LRRC8D: variants seen among roughly 807,000 people sequenced by gnomAD.
The protein encoded by LRRC8D is volume-regulated anion channel subunit LRRC8D.
LRRC8D carries 20 observed loss-of-function variants against 55.8 expected under a neutral mutation model. The ratio of observed to expected loss-of-function variants is 0.36; its 90% confidence interval spans 0.25 to 0.52. The LOEUF (loss-of-function observed/expected upper bound fraction) is 0.52. Among genes scored for constraint, LRRC8D ranks in the 20% least tolerant of loss-of-function variants. LRRC8D has a pLI of 0.93. For missense variants in LRRC8D, 651 were observed against 1,030.8 expected (o/e 0.63, Z 5.05); for synonymous variants, 352 against 377.0 (o/e 0.93, Z 0.77).
intron 2 of LRRC8D, among the ~76,000 whole-genome samples, chr1:89,922,322 C>T (rs1663445066): frequency 6.6e-6 from 1 of 152,138 alleles, no homozygotes; most frequent in Non-Finnish European, 1.5e-5. Flanking sequence ...GCCTTGGCCT[C>T]CCAAAGTGCT....
chr1:89,910,691 G>A (rs1390317850), intron 2 of LRRC8D, among the ~76,000 whole-genome samples: 2 of 152,020 alleles, frequency 1.3e-5, no homozygotes, highest in African/African-American at 2.4e-5. Flanking sequence ...GATCTCGGTC[G>A]AATTACTCAA....
intron 2 of LRRC8D, among the ~76,000 whole-genome samples, chr1:89,844,530 A>G (rs1661224361): frequency 6.6e-6 from 1 of 152,236 alleles, no homozygotes; most frequent in African/African-American, 2.4e-5. Flanking sequence ...AGGTACTTTA[A>G]CATATGAGCC....
intron 2 of LRRC8D, among the ~76,000 whole-genome samples, chr1:89,860,498 G>T (rs1163722973): frequency 6.6e-6 from 1 of 151,706 alleles, no homozygotes; most frequent in African/African-American, 2.4e-5. Flanking sequence ...AGTGGCTCAC[G>T]CCTGTAATCC....
chr1:89,886,831 A>G (rs899831459), intron 2 of LRRC8D, among the ~76,000 whole-genome samples: 1 of 152,154 alleles, frequency 6.6e-6, no homozygotes, highest in Non-Finnish European at 1.5e-5. Context: ...CTGATTTTTT[A>G]TTCTTTTACT....
chr1:89,899,398 G>T (rs1662792884), intron 2 of LRRC8D, among the ~76,000 whole-genome samples: 1 of 152,218 alleles, frequency 6.6e-6, no homozygotes, highest in African/African-American at 2.4e-5. Context: ...TTGCTGCTGT[G>T]CCATGTCTGG....
chr1:89,851,598 C>A (rs1330874013), intron 2 of LRRC8D, among the ~76,000 whole-genome samples: 1 of 151,996 alleles, frequency 6.6e-6, no homozygotes, highest in Non-Finnish European at 1.5e-5. Context: ...CAGCCTCTGC[C>A]TCCTGGGTTC....
intron 2 of LRRC8D, 80 bp from the exon 3 acceptor site, chr1:89,932,987 G>C (rs1663749110): frequency 7.9e-7 from 1 of 1,258,534 alleles, no homozygotes; most frequent in South Asian, 1.5e-5. Context: ...ACTTTAGTTA[G>C]GAGCAGGCAT....
At chr1:89,876,810 A>G (rs1436301561) in intron 2 of LRRC8D, among the ~76,000 whole-genome samples, 1 of 152,224 alleles carries the variant, frequency 6.6e-6, no homozygotes, top group African/African-American at 2.4e-5. Context: ...AAAGCCTAAA[A>G]TATTTAGCAT....
chr1:89,828,825 C>T (rs1397524546), intron 1 of LRRC8D, among the ~76,000 whole-genome samples: 1 of 152,074 alleles, frequency 6.6e-6, no homozygotes, highest in East Asian at 1.9e-4. Flanking sequence ...GAAAGCTTCA[C>T]TTCCCCAACA....
intron 2 of LRRC8D, among the ~76,000 whole-genome samples, chr1:89,853,254 CATT>C (rs2100772281): frequency 6.6e-6 from 1 of 152,256 alleles, no homozygotes; most frequent in Admixed American, 6.5e-5. Context: ...CTGAAGGTGT[CATT>C]AGTAAGGATG....
At chr1:89,926,355 G>A (rs1663565276) in intron 2 of LRRC8D, among the ~76,000 whole-genome samples, 1 of 152,232 alleles carries the variant, frequency 6.6e-6, no homozygotes, top group African/African-American at 2.4e-5. Context: ...TTATCATCCT[G>A]CATTAGACTG....
intron 2 of LRRC8D, among the ~76,000 whole-genome samples, chr1:89,904,410 C>G (rs1662941725): frequency 6.6e-6 from 1 of 152,218 alleles, no homozygotes; most frequent in Non-Finnish European, 1.5e-5. Context: ...GGTTCCTGGG[C>G]TGTGCCTTTT....
chr1:89,873,701 G>C (rs149236535), intron 2 of LRRC8D, among the ~76,000 whole-genome samples: 1 of 152,160 alleles, frequency 6.6e-6, no homozygotes, highest in Non-Finnish European at 1.5e-5. Flanking sequence ...CATGTTTCTC[G>C]TAAACCTAAA....
intron 2 of LRRC8D, among the ~76,000 whole-genome samples, chr1:89,848,069 T>A (rs572879127): frequency 1.3e-5 from 2 of 152,330 alleles, no homozygotes; most frequent in South Asian, 4.1e-4. Flanking sequence ...GTGGAATTTT[T>A]CCTCTTTGTT....
intron 2 of LRRC8D, among the ~76,000 whole-genome samples, chr1:89,877,281 C>A (rs540382003): frequency 1.3e-5 from 2 of 151,684 alleles, no homozygotes; most frequent in South Asian, 4.2e-4. Context: ...TGTAGGGATC[C>A]AGTTCTGCCA....
chr1:89,857,251 C>T (rs770292313), intron 2 of LRRC8D, among the ~76,000 whole-genome samples: 2 of 151,720 alleles, frequency 1.3e-5, no homozygotes, highest in Non-Finnish European at 2.9e-5. Flanking sequence ...GGTGTGGTGG[C>T]GCATGCCTGT....
rs114964063 is a variant in LRRC8D at position 89,936,491 on chromosome 1, C to A, written c.*846C>A. ...AGTATCACCACCATTTGGAAGATAA[C>A]ACAGAATCACAAGTATCATTTAATT... On this transcript the variant is annotated 3_prime_UTR_variant, in exon 3 of 3. Transcript: ENST00000337338. The A allele has an allele frequency of 9.5e-3, 1,455 of 152,942 alleles. 6 individuals are homozygous for A. The highest frequency in any genetic ancestry group is 0.015 in the Non-Finnish European group (995 of 68,020). 9.5% of individuals were successfully genotyped at this position (152,942 alleles called of 1,614,324 possible). A position where few individuals can be genotyped will look rare whatever the true frequency, so the allele number is the denominator to read the frequency against.
intron 2 of LRRC8D, among the ~76,000 whole-genome samples, chr1:89,926,286 G>A (rs1260086327): frequency 2.6e-5 from 4 of 152,174 alleles, no homozygotes; most frequent in Non-Finnish European, 5.9e-5. Context: ...TAAAAGTAGT[G>A]GCAAAAACTG....
chr1:89,922,356 C>T lies in LRRC8D; in HGVS notation c.-2-10711C>T, dbSNP rs771087569. Among the ~76,000 whole-genome samples the T allele has an allele frequency of 3.3e-5, 5 of 152,110 alleles. No individual in the cohort carries two copies. In the East Asian group the frequency reaches 5.8e-4, roughly 18 times the overall value. On this transcript the variant is annotated intron_variant, in intron 2 of 2. Transcript: ENST00000337338. ...CTGGGATTACAGACATGAGCCACTG[C>T]GTCTGGCCAATAATTTTGACTTAAA...
Sources: gnomAD v4.1 joint callset for allele counts (sites outside exome capture counted in the v4.1 genomes callset) on GRCh38, gnomAD v4.1.1 for gene constraint, MANE v1.5 for transcripts, NCBI Gene and HGNC (gene_info 2026-07-23, HGNC 2026-07-21) for gene names.